MAMSTR: variants seen among roughly 807,000 people sequenced by gnomAD.
MAMSTR encodes the protein MEF2 activating motif and SAP domain containing transcriptional regulator, also known as MEF2-activating motif and SAP domain-containing transcriptional regulator.
A neutral mutation model predicts 42.7 loss-of-function variants in MAMSTR; 41 were observed. The ratio of observed to expected loss-of-function variants is 0.96; its 90% CI spans 0.75 to 1.25. The LOEUF is 1.25. Ranked by LOEUF, MAMSTR falls within the 50% of genes most tolerant of loss-of-function variation. The probability of loss-of-function intolerance (pLI) is 0.00; values close to 1 mark genes in which losing one functional copy is unlikely to be tolerated. For missense variants in MAMSTR, 567 were observed against 557.6 expected (o/e 1.02, Z -0.17); for synonymous variants, 265 against 244.1 (o/e 1.09, Z -0.80).
chr19:48,718,998 T>C lies in MAMSTR; in HGVS notation c.34A>G (p.Ile12Val), dbSNP rs1390240822. 2 of 1,550,478 alleles carry C rather than the reference T, an allele frequency of 1.3e-6. No individual in the cohort carries two copies. The highest frequency in any genetic ancestry group is 2.4e-5 in the South Asian group (2 of 84,014). The change falls in exon 2 of 10, where the codon ATC becomes GTC. Residue 12 changes from isoleucine to valine, a missense_variant. Ile to Val is a conservative substitution (Grantham distance 29). Coordinates refer to ENST00000318083, the MANE Select transcript of MAMSTR (RefSeq NM_001130915.2). ...TLAASSQRSQ[I>V]IRSKFRSVLQ... ...CCAGATCGGAACTTGGAGCGAATGATTTGGGAACGCTGGGAGGAAGCCGCC... is the reference window on the plus strand; with the variant it reads ...CCAGATCGGAACTTGGAGCGAATGACTTGGGAACGCTGGGAGGAAGCCGCC...
downstream of MAMSTR, among the ~76,000 whole-genome samples, chr19:48,708,324 C>T (rs547420089): frequency 2.0e-5 from 3 of 150,958 alleles, no homozygotes; most frequent in Non-Finnish European, 4.4e-5. Flanking sequence ...ACACAATGAA[C>T]ATGACTATAT....
the MAMSTR span, among the ~76,000 whole-genome samples, chr19:48,707,401 C>T: frequency 1.4e-5 from 2 of 147,482 alleles, no homozygotes; most frequent in Admixed American, 6.8e-5. Context: ...GCCAGTAGCG[C>T]GAGACTCCGT....
intron 2 of MAMSTR, chr19:48,717,066 A>G (rs11672900): frequency 0.5 from 442,111 of 882,566 alleles, 117,188 homozygotes; most frequent in Non-Finnish European, 0.54. Flanking sequence ...CGCAATCGCT[A>G]TCTTGGCAGC....
rs1322211938 is a variant in MAMSTR at position 48,719,719 on chromosome 19, T to A, written c.-62A>T. On this transcript the variant is annotated 5_prime_UTR_variant, in exon 1 of 10. Transcript: ENST00000318083. This position sits in a 1 kb window ranked among gnomAD's most constrained non-coding sequence, Gnocchi z 4.4. ...AAGCTGTGCTCTGGGGCGGGTTGAG[T>A]CTAGAGGCCGAGGCTGGACACCACA... 6.6e-6 allele frequency: 1 copy of A among 152,104 alleles called. No individual in the cohort carries two copies. The highest frequency in any genetic ancestry group is 2.4e-5 in the African/African-American group (1 of 41,290). 9.4% of individuals were successfully genotyped at this position (152,104 alleles called of 1,614,324 possible). A position where few individuals can be genotyped will look rare whatever the true frequency, so the allele number is the denominator to read the frequency against.
chr19:48,714,215 C>G (rs2032873798), intron 7 of MAMSTR, 151 bp downstream of exon 7: 1 of 973,204 alleles, frequency 1.0e-6, no homozygotes, highest in African/African-American at 1.7e-5. Context: ...AAGATCCGCC[C>G]CCTGTTAGTC....
At chr19:48,707,838 GGAAAGAAAGAAAGAAAGAAA>G (rs4002470), downstream of MAMSTR, among the ~76,000 whole-genome samples, 108 of 90,986 alleles carry the variant, frequency 1.2e-3, 1 homozygote, top group Admixed American at 0.01. Context: ...AAGAAAGAAA[GGAAAGAAAGAAAGAAAGAAA>G]GAAAGAAAGA....
the MAMSTR span, among the ~76,000 whole-genome samples, chr19:48,707,348 G>A: frequency 1.3e-5 from 2 of 151,692 alleles, no homozygotes; most frequent in Admixed American, 1.3e-4. Context: ...TCCGGGAGGT[G>A]GAGGTTGCAG....
At chr19:48,718,385 T>C (rs1303174182) in intron 2 of MAMSTR, among the ~76,000 whole-genome samples, 1 of 138,206 alleles carries the variant, frequency 7.2e-6, no homozygotes, top group Non-Finnish European at 1.5e-5. Flanking sequence ...CACTTCTTTT[T>C]TTTTTTTTTT....
intron 3 of MAMSTR, among the ~76,000 whole-genome samples, chr19:48,716,291 G>A (rs1383218841): frequency 1.4e-5 from 2 of 144,056 alleles, no homozygotes; most frequent in African/African-American, 5.2e-5. Flanking sequence ...CAGGAGAATC[G>A]CTTGAACCTG....
the MAMSTR span, among the ~76,000 whole-genome samples, chr19:48,707,564 A>G: frequency 4.0e-5 from 6 of 150,716 alleles, no homozygotes; most frequent in African/African-American, 1.2e-4. Context: ...GACATGGTGA[A>G]ACTCTGTCTG....
At chr19:48,717,827 C>G (rs916504188) in intron 2 of MAMSTR, among the ~76,000 whole-genome samples, 4 of 152,132 alleles carry the variant, frequency 2.6e-5, no homozygotes, top group African/African-American at 9.7e-5. Flanking sequence ...GCCTCAGCCT[C>G]CCCAGTAGCT....
Position 48,713,543 on chromosome 19 carries a change from C to A in MAMSTR, c.972G>T (p.Leu324=). The A allele has an allele frequency of 6.2e-7, 1 of 1,609,776 alleles. No individual in the cohort carries two copies. Among genetic ancestry groups the A allele is most frequent in the Non-Finnish European group, 8.5e-7 (1 of 1,178,428 alleles). Residue 324 remains leucine, a synonymous_variant, in exon 10 of 10, where the codon CTG becomes CTT. Transcript: ENST00000318083. The part of the protein sequence containing the change: ...LEDQVEPDDP[L]PPIPLDFPGS... ...CAGGGAAGTCCAGGGGAATAGGGGG[C>A]AGGGGGTCTGCGGGATAAAGAATGG... is the stretch of plus-strand genomic sequence containing the variant.
rs1357114154 is a variant in MAMSTR, at chr19:48,713,300, G to A, written c.1215C>T (p.Ser405=). 5 of 1,603,256 alleles carry A rather than the reference G, an allele frequency of 3.1e-6. No homozygotes were observed. In the Admixed American group the frequency reaches 9.0e-5, roughly 29 times the overall value. The stretch of plus-strand genomic sequence containing the variant: ...GATCCTCCAGCAGGTCCCACAGCCG[G>A]CTGCTGCTGGAGTCAGATAAGTCAG... ...FSADLSDSSS[S]RLWDLLEDPW Residue 405 remains serine, a synonymous_variant, in exon 10 of 10, where the codon AGC becomes AGT. Coordinates refer to ENST00000318083, the MANE Select transcript of MAMSTR (RefSeq NM_001130915.2).
chr19:48,716,504 G>A (rs555569818), intron 3 of MAMSTR, among the ~76,000 whole-genome samples: 99 of 152,146 alleles, frequency 6.5e-4, no homozygotes, highest in African/African-American at 2.2e-3. Flanking sequence ...GGAGAAGCAG[G>A]AAGCAGAGCT....
At chr19:48,707,916 G>T, downstream of MAMSTR, among the ~76,000 whole-genome samples, 1 of 139,444 alleles carries the variant, frequency 7.2e-6, no homozygotes, top group East Asian at 2.1e-4. Context: ...AAGAAAGAAA[G>T]AAAAAAGAAA....
intron 7 of MAMSTR, 151 bp from the exon 8 acceptor site, chr19:48,714,196 TC>T: frequency 9.4e-7 from 1 of 1,060,614 alleles, no homozygotes; most frequent in Non-Finnish European, 1.3e-6. Context: ...CATTGGCTCC[TC>T]TTCTCTAAAG....
downstream of MAMSTR, among the ~76,000 whole-genome samples, chr19:48,711,532 C>CT (rs2032724609): frequency 6.7e-6 from 1 of 150,158 alleles, no homozygotes; most frequent in Non-Finnish European, 1.5e-5. Flanking sequence ...TTTTACAACT[C>CT]TAAGTTTTGG....
chr19:48,707,310 G>C, the MAMSTR span, among the ~76,000 whole-genome samples: 1 of 151,996 alleles, frequency 6.6e-6, no homozygotes, highest in Non-Finnish European at 1.5e-5. Flanking sequence ...CAGCTACTCG[G>C]GAGGCTGAGG....
In MAMSTR at chr19:48,715,728, G is replaced by T. The variant is rs1601252987; in HGVS notation, c.137C>A (p.Pro46His). Reference protein sequence around the residue: ...PDPWISASDPPLAPALPSGTA... With the variant: ...PDPWISASDPHLAPALPSGTA... ...GCCCGAGGGCAAGGCCGGGGCCAGA[G>T]GAGGGTCTGAGGCTGAGATCCACGG... The change falls in exon 4 of 10, where the codon CCT (proline) becomes CAT (histidine). Residue 46 changes from proline (P) to histidine (H), a missense_variant. Physicochemically the swap from Pro to His is moderately conservative, Grantham distance 77. Transcript: ENST00000318083. 5.8e-6 allele frequency: 9 copies of T among 1,543,688 alleles called. No individual in the cohort carries two copies. Among genetic ancestry groups the T allele is most frequent in the Non-Finnish European group, 7.9e-6 (9 of 1,145,210 alleles).
Sources: gnomAD v4.1 joint callset for allele counts (sites outside exome capture counted in the v4.1 genomes callset) on GRCh38, gnomAD v4.1.1 for gene constraint, Gnocchi (gnomAD v3.1) non-coding constraint, MANE v1.5 for transcripts, NCBI Gene and HGNC (gene_info 2026-07-23, HGNC 2026-07-21) for gene names.